PDE4B: variants seen among roughly 807,000 people sequenced by gnomAD.
The protein encoded by PDE4B is phosphodiesterase 4B.
Under a neutral mutation model 82.2 loss-of-function variants are expected in PDE4B, and 20 were observed. That is an observed-to-expected ratio of 0.24 (90% CI 0.17 to 0.35). The LOEUF (loss-of-function observed/expected upper bound fraction) is 0.35. Ranked by LOEUF, PDE4B falls within the 10% of genes least tolerant of loss-of-function variation. The probability of loss-of-function intolerance (pLI) is 1.00; values close to 1 mark genes in which losing one functional copy is unlikely to be tolerated. For synonymous variants in PDE4B, 320 were observed against 318.9 expected, an observed-to-expected ratio of 1.00 and a Z score of -0.04; for missense variants, 655 against 907.2, an observed-to-expected ratio of 0.72 and a Z score of 3.57.
chr1:65,930,691 A>G (rs893630408), intron 3 of PDE4B, among the ~76,000 whole-genome samples: 2 of 152,218 alleles, frequency 1.3e-5, no homozygotes, highest in Non-Finnish European at 2.9e-5. Context: ...TTGGAATGGA[A>G]GTATTTACCC....
intron 3 of PDE4B, among the ~76,000 whole-genome samples, chr1:65,929,268 T>A (rs1042081195): frequency 6.6e-6 from 1 of 152,168 alleles, no homozygotes; most frequent in African/African-American, 2.4e-5. Flanking sequence ...GTAGAAAGGC[T>A]GATGGCAGCA....
At chr1:66,123,417 C>G (rs569203336) in intron 3 of PDE4B, among the ~76,000 whole-genome samples, 87 of 152,110 alleles carry the variant, frequency 5.7e-4, no homozygotes, top group Non-Finnish European at 1.2e-3. Context: ...ATTATACTTT[C>G]TCAATTTGAT....
intron 3 of PDE4B, among the ~76,000 whole-genome samples, chr1:66,237,758 T>C (rs138381824): frequency 6.6e-6 from 1 of 152,326 alleles, no homozygotes; most frequent in East Asian, 1.9e-4. Context: ...ACAAGTTGGG[T>C]CTGCTGTGAA....
chr1:66,290,698 G>A (rs1460610451), intron 7 of PDE4B, among the ~76,000 whole-genome samples: 1 of 152,156 alleles, frequency 6.6e-6, no homozygotes, highest in Non-Finnish European at 1.5e-5. Context: ...TCCAATGCCA[G>A]GAGTAATAAT....
chr1:66,158,995 T>C (rs1022034389), intron 3 of PDE4B, among the ~76,000 whole-genome samples: 6 of 152,088 alleles, frequency 3.9e-5, no homozygotes, highest in Admixed American at 6.6e-5. Context: ...AAACTTACAG[T>C]TAGGAAGAAC....
At chr1:66,322,612 A>G (rs181769838) in intron 7 of PDE4B, among the ~76,000 whole-genome samples, 12 of 152,234 alleles carry the variant, frequency 7.9e-5, no homozygotes, top group Admixed American at 2.0e-4. Context: ...ACAATGAGAT[A>G]CCATCTCACG....
intron 7 of PDE4B, among the ~76,000 whole-genome samples, chr1:66,284,854 C>T (rs925520419): frequency 3.3e-5 from 5 of 152,012 alleles, no homozygotes; most frequent in East Asian, 3.9e-4. Context: ...TTGTGTGCAG[C>T]GAGGAGCCAC....
chr1:66,334,872 C>T (rs978504143), intron 8 of PDE4B, among the ~76,000 whole-genome samples: 2 of 151,942 alleles, frequency 1.3e-5, no homozygotes, highest in South Asian at 2.1e-4. Flanking sequence ...TTTGGGAGGT[C>T]GAGGCAGCAC....
chr1:65,999,918 T>C (rs957518842), intron 3 of PDE4B, among the ~76,000 whole-genome samples: 1 of 152,198 alleles, frequency 6.6e-6, no homozygotes, highest in Non-Finnish European at 1.5e-5. Context: ...TAAGCATTCT[T>C]CTCCAATCAT....
intron 3 of PDE4B, among the ~76,000 whole-genome samples, chr1:66,007,812 T>C (rs1025526672): frequency 6.6e-6 from 1 of 152,220 alleles, no homozygotes; most frequent in Non-Finnish European, 1.5e-5. Flanking sequence ...TTATATCATT[T>C]AGTCTTCATC....
At chr1:66,244,154 A>C (rs1304104411) in intron 3 of PDE4B, among the ~76,000 whole-genome samples, 1 of 152,254 alleles carries the variant, frequency 6.6e-6, no homozygotes, top group Admixed American at 6.5e-5. Flanking sequence ...AACTGAATGA[A>C]GCAGCTCATG....
At chr1:66,128,985 G>A (rs1442204536) in intron 3 of PDE4B, among the ~76,000 whole-genome samples, 2 of 152,104 alleles carry the variant, frequency 1.3e-5, no homozygotes, top group Non-Finnish European at 2.9e-5. Context: ...GATTTGGTTG[G>A]GGACACAGCC....
At chr1:65,863,888 A>G (rs1646481546) in intron 1 of PDE4B, among the ~76,000 whole-genome samples, 1 of 152,026 alleles carries the variant, frequency 6.6e-6, no homozygotes, top group African/African-American at 2.4e-5. Flanking sequence ...TTTTGAGCCC[A>G]TGTATGTCTT....
intron 16 of PDE4B, among the ~76,000 whole-genome samples, chr1:66,370,174 A>AAAAAAAAAAAAAAG: frequency 6.7e-6 from 1 of 149,698 alleles, no homozygotes; most frequent in African/African-American, 2.5e-5. Context: ...AAAAAAAAAA[A>AAAAAAAAAAAAAAG]AAAAGAAAGA....
rs190418978 is a variant in PDE4B, at chr1:65,936,795, C to T, written c.281+17960C>T. 2.0e-5 allele frequency among the ~76,000 whole-genome samples: 3 copies of T among 152,156 alleles called. 1 individual carries two copies. The South Asian group carries it at 6.2e-4, about 32-fold the overall frequency. On this transcript the variant is annotated intron_variant, in intron 3 of 16. Coordinates refer to ENST00000341517, the MANE Select transcript of PDE4B (RefSeq NM_002600.4). Reference sequence around the variant, plus strand: ...GAATAAGGGAAAGTGGGCCCTTGAACTCTCCTTTCAGCCAAAGGCAGGCAT... The same window carrying T: ...GAATAAGGGAAAGTGGGCCCTTGAATTCTCCTTTCAGCCAAAGGCAGGCAT...
At chr1:66,280,012 T>C (rs1656182615) in intron 7 of PDE4B, among the ~76,000 whole-genome samples, 1 of 152,182 alleles carries the variant, frequency 6.6e-6, no homozygotes, top group Non-Finnish European at 1.5e-5. Context: ...ATACAACTAA[T>C]TATCAAGGAC....
intron 1 of PDE4B, among the ~76,000 whole-genome samples, chr1:65,899,319 T>C (rs1045616884): frequency 2.0e-5 from 3 of 151,508 alleles, no homozygotes; most frequent in African/African-American, 7.3e-5. Flanking sequence ...AAAAAATAAA[T>C]GGTAGATGTT....
intron 3 of PDE4B, among the ~76,000 whole-genome samples, chr1:66,016,629 G>A (rs933926288): frequency 6.6e-6 from 1 of 152,160 alleles, no homozygotes; most frequent in Non-Finnish European, 1.5e-5. Context: ...CATCTAAAAA[G>A]TGTGAAAGAT....
intron 1 of PDE4B, among the ~76,000 whole-genome samples, chr1:65,887,428 T>TTTG (rs1646803236): frequency 1.3e-5 from 1 of 77,880 alleles, no homozygotes; most frequent in Non-Finnish European, 2.4e-5. Flanking sequence ...TTTTTTTTTT[T>TTTG]TTTTTTTTTT....
Sources: gnomAD v4.1 joint callset for allele counts (sites outside exome capture counted in the v4.1 genomes callset) on GRCh38, gnomAD v4.1.1 for gene constraint, MANE v1.5 for transcripts, NCBI Gene and HGNC (gene_info 2026-07-23, HGNC 2026-07-21) for gene names.